DACH2: variants seen among roughly 807,000 people sequenced by gnomAD.
DACH2 encodes the protein dachshund family transcription factor 2.
A neutral mutation model predicts 35.8 loss-of-function variants in DACH2; 17 were observed. The ratio of observed to expected loss-of-function variants is 0.48; its 90% CI spans 0.33 to 0.71. The LOEUF (loss-of-function observed/expected upper bound fraction) is 0.71. Among genes scored for constraint, DACH2 ranks in the 30% least tolerant of loss-of-function variants. The probability of loss-of-function intolerance (pLI) is 0.02; values close to 1 mark genes in which losing one functional copy is unlikely to be tolerated. For synonymous variants in DACH2, 195 were observed against 177.3 expected (o/e 1.10, Z -0.79); for missense variants, 469 against 472.7 (o/e 0.99, Z 0.07).
chrX:86,246,322 G>A (rs1214577714), intron 1 of DACH2, among the ~76,000 whole-genome samples: 2 of 111,078 alleles, frequency 1.8e-5, no homozygotes, highest in Non-Finnish European at 3.8e-5. Flanking sequence ...GAGAACCCAT[G>A]TGAAATACTA....
intron 3 of DACH2, among the ~76,000 whole-genome samples, chrX:86,528,587 A>G (rs1266086538): frequency 8.9e-6 from 1 of 112,035 alleles, no homozygotes; most frequent in Non-Finnish European, 1.9e-5. Flanking sequence ...GGGAAGAGAT[A>G]TTACCCTTAA....
rs1429091035 is a variant in DACH2, at chrX:86,643,846, G to A, written c.641-7190G>A. Reference sequence around the variant, plus strand: ...AATAAATGTGATTCATCACATAAACGGAACTAAAGACAAAAACCAAATGAT... The same window carrying A: ...AATAAATGTGATTCATCACATAAACAGAACTAAAGACAAAAACCAAATGAT... On this transcript the variant is annotated intron_variant, in intron 3 of 11. Coordinates refer to ENST00000373125, the MANE Select transcript of DACH2 (RefSeq NM_053281.3). 9.0e-5 allele frequency among the ~76,000 whole-genome samples: 10 copies of A among 111,349 alleles called. No individual in the cohort carries two copies. The East Asian group carries it at 1.7e-3, about 19-fold the overall frequency.
intron 2 of DACH2, among the ~76,000 whole-genome samples, chrX:86,466,162 GAAA>G (rs1228238305): frequency 9.0e-6 from 1 of 111,547 alleles, no homozygotes; most frequent in Non-Finnish European, 1.9e-5. Flanking sequence ...GGCAGCAAGA[GAAA>G]ATGAGAGAGA....
intron 1 of DACH2, among the ~76,000 whole-genome samples, chrX:86,304,082 C>T (rs371680270): frequency 3.6e-5 from 4 of 112,017 alleles, no homozygotes; most frequent in African/African-American, 6.5e-5. Flanking sequence ...CATGCATTTA[C>T]GGCCAACTGA....
chrX:86,594,449 TA>T (rs1287324548), intron 3 of DACH2, among the ~76,000 whole-genome samples: 1 of 112,213 alleles, frequency 8.9e-6, no homozygotes, highest in Non-Finnish European at 1.9e-5. Context: ...TTCTAATATA[TA>T]CATGCTGATC....
intron 3 of DACH2, among the ~76,000 whole-genome samples, chrX:86,630,886 C>A (rs747895955): frequency 9.0e-6 from 1 of 111,110 alleles, no homozygotes; most frequent in African/African-American, 3.3e-5. Context: ...AAATTCACTG[C>A]CTGATTGTGC....
At chrX:86,364,729 T>G (rs1028366613) in intron 1 of DACH2, among the ~76,000 whole-genome samples, 2 of 111,791 alleles carry the variant, frequency 1.8e-5, no homozygotes, top group Non-Finnish European at 3.8e-5. Context: ...TTCTTTCATT[T>G]TTTCTTTCTT....
chrX:86,498,137 A>G (rs1188667275), intron 2 of DACH2, among the ~76,000 whole-genome samples: 2 of 112,189 alleles, frequency 1.8e-5, no homozygotes, highest in East Asian at 5.6e-4. Context: ...GGCATTCAGT[A>G]TTCACTCACT....
At chrX:86,701,649 G>A (rs2041144568) in intron 5 of DACH2, among the ~76,000 whole-genome samples, 2 of 111,862 alleles carry the variant, frequency 1.8e-5, no homozygotes, top group Non-Finnish European at 3.8e-5. Context: ...GATAAAGGAA[G>A]TGTTGTACAT....
At chrX:86,796,282 G>A (rs2042238021) in intron 7 of DACH2, among the ~76,000 whole-genome samples, 1 of 111,440 alleles carries the variant, frequency 9.0e-6, no homozygotes, top group South Asian at 3.8e-4. Context: ...GCGCTGATTG[G>A]TGCATTTTTA....
chrX:86,182,737 G>GA (rs1475775145), intron 1 of DACH2, among the ~76,000 whole-genome samples: 1 of 111,394 alleles, frequency 9.0e-6, no homozygotes, highest in Admixed American at 9.6e-5. Flanking sequence ...GCTTGATGGG[G>GA]TAGCATTGAA....
intron 3 of DACH2, among the ~76,000 whole-genome samples, chrX:86,602,344 T>G (rs2039800435): frequency 1.8e-5 from 2 of 112,460 alleles, no homozygotes; most frequent in African/African-American, 6.4e-5. Context: ...AATATCATTG[T>G]AAGTTGTGGA....
Position 86,713,029 on chromosome X carries a change from G to A in DACH2, c.932-1519G>A, listed in dbSNP as rs1602836164. Among the ~76,000 whole-genome samples, 2 of 111,367 alleles carry A rather than the reference G, an allele frequency of 1.8e-5. 1 individual carries two copies. On this transcript the variant is annotated intron_variant, in intron 5 of 11. Transcript: ENST00000373125. ...TCTTTATTTAGGAATTCCTTTCATT[G>A]TGATAATCACTTGAGTGTTGTATGA...
chrX:86,388,376 G>C (rs1269421161), intron 2 of DACH2, among the ~76,000 whole-genome samples: 1 of 111,780 alleles, frequency 8.9e-6, no homozygotes, highest in African/African-American at 3.2e-5. Flanking sequence ...GTTAGGCCCT[G>C]TTAAGCAATA....
intron 3 of DACH2, among the ~76,000 whole-genome samples, chrX:86,583,097 A>G (rs2039523319): frequency 9.0e-6 from 1 of 111,594 alleles, no homozygotes; most frequent in African/African-American, 3.3e-5. Context: ...ACATAAGCAG[A>G]ACTAAAAACA....
At chrX:86,446,169 C>A (rs1304588109) in intron 2 of DACH2, among the ~76,000 whole-genome samples, 1 of 110,602 alleles carries the variant, frequency 9.0e-6, no homozygotes, top group African/African-American at 3.3e-5. Context: ...TATAGCTACT[C>A]CTCTCTTTTG....
intron 2 of DACH2, among the ~76,000 whole-genome samples, chrX:86,386,561 C>A (rs2036125931): frequency 1.8e-5 from 2 of 110,319 alleles, no homozygotes; most frequent in Non-Finnish European, 3.8e-5. Context: ...TGTATTTATT[C>A]AATTACTTAT....
chrX:86,334,183 C>A (rs2035261653), intron 1 of DACH2, among the ~76,000 whole-genome samples: 1 of 111,832 alleles, frequency 8.9e-6, no homozygotes, highest in Non-Finnish European at 1.9e-5. Flanking sequence ...GGTTCCAAGT[C>A]CTTGCTATTG....
chrX:86,809,199 T>A (rs1410386262), intron 7 of DACH2, among the ~76,000 whole-genome samples: 1 of 111,899 alleles, frequency 8.9e-6, no homozygotes, highest in Non-Finnish European at 1.9e-5. Context: ...ATGTTCTATG[T>A]GCTGATAAAG....
Sources: allele counts gnomAD v4.1 joint callset (sites outside exome capture counted in the v4.1 genomes callset), GRCh38; gene constraint gnomAD v4.1.1; transcripts MANE v1.5; gene names NCBI Gene and HGNC (gene_info 2026-07-23, HGNC 2026-07-21).